Variants in CHRM1 observed in about 807,000 individuals in gnomAD.
CHRM1 encodes the protein cholinergic receptor muscarinic 1, also known as muscarinic acetylcholine receptor M1.
CHRM1 carries 5 observed loss-of-function variants against 31.6 expected under a neutral mutation model. The observed-to-expected ratio is 0.16, with a 90% CI of 0.08 to 0.33. CHRM1 has a LOEUF of 0.33. CHRM1 is among the 10% of genes least tolerant of loss of function. CHRM1 has a pLI of 1.00. For missense variants in CHRM1, 338 were observed against 610.3 expected (o/e 0.55, Z 4.70); for synonymous variants, 227 against 249.7 (o/e 0.91, Z 0.86).
Position 62,910,574 on chromosome 11 carries a change from C to G in CHRM1, c.527G>C (p.Gly176Ala). 6.2e-7 allele frequency: 1 copy of G among 1,614,176 alleles called. No homozygotes were observed. The highest frequency in any genetic ancestry group is 1.1e-5 in the South Asian group (1 of 91,084). ...YLVGERTVLA[G>A]QCYIQFLSQP... ...GGAGAGGAACTGGATGTAGCACTGC[C>G]CAGCTAGCACTGTCCGCTCCCCTAC... is the stretch of plus-strand genomic sequence containing the variant. Residue 176 changes from glycine to alanine, a missense_variant, in exon 2 of 2, where the codon GGG becomes GCG. Gly to Ala is a moderately conservative substitution (Grantham distance 60, BLOSUM62 0). Transcript: ENST00000306960. This position sits in a 1 kb window ranked among gnomAD's most constrained non-coding sequence, Gnocchi z 8.7.
chr11:62,917,378 A>G (rs1378757433), intron 1 of CHRM1, among the ~76,000 whole-genome samples: 1 of 152,218 alleles, frequency 6.6e-6, no homozygotes, highest in Non-Finnish European at 1.5e-5. Flanking sequence ...GAAGGCATCC[A>G]TGGGGGCTGG....
At chr11:62,918,872 C>T (rs556841332) in intron 1 of CHRM1, among the ~76,000 whole-genome samples, 22 of 152,156 alleles carry the variant, frequency 1.4e-4, no homozygotes, top group African/African-American at 4.8e-4. Flanking sequence ...CTTTTCTGAA[C>T]GTACCGCTGG....
chr11:62,913,450 T>A (rs1565265661), intron 1 of CHRM1, among the ~76,000 whole-genome samples: 1 of 152,158 alleles, frequency 6.6e-6, no homozygotes, highest in Non-Finnish European at 1.5e-5. Flanking sequence ...GGCGGGTGGA[T>A]CACCTGAGGT....
rs925886937 is a variant in CHRM1 at position 62,910,094 on chromosome 11, C to T, written c.1007G>A (p.Arg336Gln). ...ACGGGGCTTCTGGCCCTTGCCAGCT[C>T]GATCACGCCCTTTCTTAGTCGGCCT... ...VKRPTKKGRD[R>Q]AGKGQKPRGK... The change falls in exon 2 of 2, where the codon CGA becomes CAA. Residue 336 changes from arginine to glutamine, a missense_variant. Transcript: ENST00000306960. The surrounding 1 kb of genome is among the most constrained non-coding windows in gnomAD (Gnocchi z 8.7). 19 of 1,611,956 alleles carry T rather than the reference C, an allele frequency of 1.2e-5. No homozygotes were observed. The highest frequency in any genetic ancestry group is 5.0e-5 in the Admixed American group (3 of 59,918).
chr11:62,920,924 CT>C (rs2085930099), intron 1 of CHRM1, among the ~76,000 whole-genome samples: 1 of 152,112 alleles, frequency 6.6e-6, no homozygotes, highest in South Asian at 2.1e-4. Flanking sequence ...AGCCTAATCC[CT>C]TCTGGGCCTC....
chr11:62,914,224 G>A (rs531793185), intron 1 of CHRM1, among the ~76,000 whole-genome samples: 32 of 152,084 alleles, frequency 2.1e-4, no homozygotes, highest in Admixed American at 2.0e-3. Flanking sequence ...GATTACAGGC[G>A]TGAGCCACCG....
At chr11:62,912,788 T>C (rs1423309033) in intron 1 of CHRM1, among the ~76,000 whole-genome samples, 1 of 152,188 alleles carries the variant, frequency 6.6e-6, no homozygotes, top group Non-Finnish European at 1.5e-5. Context: ...ATTGAAGAGG[T>C]TGAGGGTCCC....
At chr11:62,915,506 A>G (rs560745703) in intron 1 of CHRM1, among the ~76,000 whole-genome samples, 1 of 152,156 alleles carries the variant, frequency 6.6e-6, no homozygotes, top group Admixed American at 6.5e-5. Flanking sequence ...GGAATTTGCT[A>G]TTTGATTTAA....
Position 62,910,021 on chromosome 11 carries a change from C to T in CHRM1, c.1080G>A (p.Glu360=), listed in dbSNP as rs1439681809. The change falls in exon 2 of 2, where the codon GAG becomes GAA. Residue 360 remains glutamate (E), a synonymous_variant. Transcript: ENST00000306960. The surrounding 1 kb of genome is among the most constrained non-coding windows in gnomAD (Gnocchi z 8.7). ...AKRKTFSLVK[E]KKAARTLSAI... ...CACTCAGGGTCCGAGCCGCCTTCTTCTCCTTGACCAGCGAGAAGGTCTTCC... is the reference window on the plus strand; with the variant it reads ...CACTCAGGGTCCGAGCCGCCTTCTTTTCCTTGACCAGCGAGAAGGTCTTCC... 4.3e-6 allele frequency: 7 copies of T among 1,613,940 alleles called. No homozygotes were observed. The highest frequency in any genetic ancestry group is 1.7e-5 in the Admixed American group (1 of 60,026).
chr11:62,909,454 T>C lies in CHRM1; in HGVS notation c.*264A>G. Reference sequence around the variant, plus strand: ...AAGGAGTCCAAAGCCCGGATCCTCCTCCCGGGCCTTCTTCCTGGTGAAGAG... The same window carrying C: ...AAGGAGTCCAAAGCCCGGATCCTCCCCCCGGGCCTTCTTCCTGGTGAAGAG... On this transcript the variant is annotated 3_prime_UTR_variant, in exon 2 of 2. Transcript: ENST00000306960. 1 of 512,918 alleles carries C rather than the reference T, an allele frequency of 1.9e-6. No homozygotes were observed. The allele number at this position is 512,918 out of a possible 1,614,324, so 31.8% of individuals were successfully genotyped here. A position where few individuals can be genotyped will look rare whatever the true frequency, so the allele number is the denominator to read the frequency against.
At position 62,908,966 on chromosome 11, in the gene CHRM1, G is replaced by A. The variant is rs1295456432; in HGVS notation, c.*752C>T. ...GGACTGAGGCTTCTCTGGGGCAGGG[G>A]GTATGGATTTGCGGCTGGATAGCAG... On this transcript the variant is annotated 3_prime_UTR_variant, in exon 2 of 2. Transcript: ENST00000306960. The A allele has an allele frequency of 6.5e-6, 1 of 152,864 alleles. No homozygotes were observed. The highest frequency in any genetic ancestry group is 1.5e-5 in the Non-Finnish European group (1 of 68,288). 9.5% of individuals were successfully genotyped at this position (152,864 alleles called of 1,614,324 possible).
rs2085932863 is a variant in CHRM1, at chr11:62,921,353, G to A, written c.-214C>T. The A allele has an allele frequency of 6.6e-6, 1 of 152,268 alleles. No individual in the cohort carries two copies. The highest frequency in any genetic ancestry group is 2.4e-5 in the African/African-American group (1 of 41,436). 9.4% of individuals were successfully genotyped at this position (152,268 alleles called of 1,614,324 possible). A position where few individuals can be genotyped will look rare whatever the true frequency, so the allele number is the denominator to read the frequency against. On this transcript the variant is annotated 5_prime_UTR_variant, in exon 1 of 2. Transcript: ENST00000306960. ...GCTGGCAGCGGGAGAGGCACAGCCA[G>A]TGATTGGCATGTCCCACCCCCTGGC...
intron 1 of CHRM1, among the ~76,000 whole-genome samples, chr11:62,916,637 A>C (rs951834755): frequency 6.6e-6 from 1 of 152,198 alleles, no homozygotes; most frequent in African/African-American, 2.4e-5. Flanking sequence ...CAGGCACTTA[A>C]TATATATTCT....
In CHRM1 at chr11:62,917,631, A is replaced by G. The variant is rs1049274859; in HGVS notation, c.-79+3587T>C. 5.9e-5 allele frequency among the ~76,000 whole-genome samples: 9 copies of G among 152,164 alleles called. No homozygotes were observed. In the South Asian group the frequency reaches 1.9e-3, roughly 32 times the overall value. ...GGCTGGGAATGGTGGAGGTGGGTCC[A>G]TAGCTTTGTGGGGACTCATCCTCAG... On this transcript the variant is annotated intron_variant, in intron 1 of 1. Transcript: ENST00000306960.
intron 1 of CHRM1, among the ~76,000 whole-genome samples, chr11:62,917,306 A>T (rs1257827599): frequency 3.3e-5 from 5 of 152,156 alleles, no homozygotes; most frequent in African/African-American, 7.2e-5. Context: ...AGAAGGAGGG[A>T]CTTAGGACAG....
intron 1 of CHRM1, among the ~76,000 whole-genome samples, chr11:62,911,827 C>A (rs1188491119): frequency 6.6e-6 from 1 of 152,118 alleles, no homozygotes; most frequent in Non-Finnish European, 1.5e-5. Context: ...GTATGTGGTG[C>A]TCCAGTGGGA....
chr11:62,920,922 C>T (rs2085930077), intron 1 of CHRM1, among the ~76,000 whole-genome samples: 1 of 152,140 alleles, frequency 6.6e-6, no homozygotes, highest in African/African-American at 2.4e-5. Flanking sequence ...GCAGCCTAAT[C>T]CCTTCTGGGC....
At position 62,910,487 on chromosome 11, in the gene CHRM1, C is replaced by G; in HGVS notation, c.614G>C (p.Cys205Ser). 10 of 1,614,176 alleles carry G rather than the reference C, an allele frequency of 6.2e-6. No individual in the cohort carries two copies. Among genetic ancestry groups the G allele is most frequent in the Non-Finnish European group, 8.5e-6 (10 of 1,180,038 alleles). ...CCGGTAGATGCGCCAGTAGAGCGTG[C>G]ACATGACTGTGACAGGGAGGTAGAA... ...AAFYLPVTVMCTLYWRIYRET... is the reference protein window; with the variant it reads ...AAFYLPVTVMSTLYWRIYRET... The change falls in exon 2 of 2, where the codon TGC becomes TCC. Residue 205 changes from cysteine to serine, a missense_variant. Physicochemically the swap from Cys to Ser is moderately radical, Grantham distance 112. Transcript: ENST00000306960. The surrounding 1 kb of genome is among the most constrained non-coding windows in gnomAD (Gnocchi z 8.7).
intron 1 of CHRM1, among the ~76,000 whole-genome samples, chr11:62,911,964 G>A (rs1050593134): frequency 1.3e-5 from 2 of 152,088 alleles, no homozygotes; most frequent in African/African-American, 4.8e-5. Flanking sequence ...GTTTTTCTGC[G>A]CATGCGGGTT....
Sources: gnomAD v4.1 joint callset for allele counts (sites outside exome capture counted in the v4.1 genomes callset) on GRCh38, gnomAD v4.1.1 for gene constraint, Gnocchi (gnomAD v3.1) non-coding constraint, MANE v1.5 for transcripts, NCBI Gene and HGNC (gene_info 2026-07-23, HGNC 2026-07-21) for gene names.